RIMKLA: variants seen among roughly 807,000 people sequenced by gnomAD.
RIMKLA encodes N-acetylaspartylglutamate synthase A.
RIMKLA carries 14 observed loss-of-function variants against 32.7 expected under a neutral mutation model. The ratio of observed to expected loss-of-function variants is 0.43; its 90% CI spans 0.28 to 0.67. The LOEUF (loss-of-function observed/expected upper bound fraction) is 0.67, where lower values mean the gene tolerates loss of function less well. Ranked by LOEUF, RIMKLA falls within the 30% of genes least tolerant of loss-of-function variation. RIMKLA has a pLI of 0.18. For missense variants in RIMKLA, 410 were observed against 519.0 expected (o/e 0.79, Z 2.04); for synonymous variants, 176 against 204.1 (o/e 0.86, Z 1.18).
At chr1:42,382,641 T>G (rs747103706) in intron 1 of RIMKLA, among the ~76,000 whole-genome samples, 1 of 152,220 alleles carries the variant, frequency 6.6e-6, no homozygotes, top group Non-Finnish European at 1.5e-5. Flanking sequence ...AGTAGCCAAA[T>G]TCCACATCAC....
intron 1 of RIMKLA, among the ~76,000 whole-genome samples, chr1:42,382,332 T>G (rs914205480): frequency 6.6e-6 from 1 of 152,248 alleles, no homozygotes; most frequent in East Asian, 1.9e-4. Flanking sequence ...AATGTAGAAC[T>G]AGATTTCTGA....
chr1:42,385,759 CTTTCTTTCTTTG>C (rs1371724981), intron 1 of RIMKLA, among the ~76,000 whole-genome samples: 26 of 79,988 alleles, frequency 3.3e-4, no homozygotes, highest in African/African-American at 1.5e-3. Context: ...TTCTTTCTTT[CTTTCTTTCTTTG>C]TTTCTTTGTT....
At chr1:42,392,309 C>T (rs1374459957) in intron 1 of RIMKLA, among the ~76,000 whole-genome samples, 2 of 152,106 alleles carry the variant, frequency 1.3e-5, no homozygotes, top group Non-Finnish European at 2.9e-5. Flanking sequence ...AGTCAGTCTC[C>T]TCTCCCTCCC....
rs941153462 is a variant in RIMKLA, at chr1:42,415,814, C to T, written c.*840C>T. The T allele has an allele frequency of 3.3e-5, 5 of 152,206 alleles. No individual in the cohort carries two copies. The highest frequency in any genetic ancestry group is 1.9e-4 in the East Asian group (1 of 5,200). The allele number at this position is 152,206 out of a possible 1,614,324, so 9.4% of individuals were successfully genotyped here. On this transcript the variant is annotated 3_prime_UTR_variant, in exon 5 of 5. Transcript: ENST00000431473. The stretch of plus-strand genomic sequence containing the variant: ...TTTGTTTTTCAATGGACTCTGTTCA[C>T]TTGTCATCCAGAAGCCAGTGGGTTT...
At chr1:42,411,076 TC>T (rs1643193228) in intron 4 of RIMKLA, among the ~76,000 whole-genome samples, 1 of 152,150 alleles carries the variant, frequency 6.6e-6, no homozygotes, top group African/African-American at 2.4e-5. Context: ...ATGCCTGTAA[TC>T]CCAGCATTTT....
chr1:42,408,296 T>C (rs960631394), intron 3 of RIMKLA, among the ~76,000 whole-genome samples: 1 of 152,234 alleles, frequency 6.6e-6, no homozygotes, highest in Non-Finnish European at 1.5e-5. Context: ...ATCACGTGGC[T>C]GAACTCCTCC....
intron 1 of RIMKLA, among the ~76,000 whole-genome samples, chr1:42,386,880 C>CAAATAAATAAATAAATAAAT (rs151298858): frequency 5.0e-5 from 6 of 121,118 alleles, no homozygotes; most frequent in African/African-American, 9.8e-5. Flanking sequence ...GACTCCATCT[C>CAAATAAATAAATAAATAAAT]AAATAAATAA....
intron 1 of RIMKLA, among the ~76,000 whole-genome samples, chr1:42,386,742 AG>A (rs1642951659): frequency 1.3e-5 from 2 of 150,892 alleles, no homozygotes; most frequent in Non-Finnish European, 3.0e-5. Flanking sequence ...AAAATTACCC[AG>A]GCTTGGTGGC....
At chr1:42,405,519 C>T (rs540659506) in intron 3 of RIMKLA, among the ~76,000 whole-genome samples, 1 of 152,222 alleles carries the variant, frequency 6.6e-6, no homozygotes, top group East Asian at 1.9e-4. Flanking sequence ...CTTAAACACT[C>T]CAGGCATCTG....
chr1:42,396,935 T>C (rs765126291), intron 1 of RIMKLA, among the ~76,000 whole-genome samples: 2 of 152,232 alleles, frequency 1.3e-5, no homozygotes, highest in Non-Finnish European at 2.9e-5. Flanking sequence ...TTGAGGCTAC[T>C]ACACATGGGT....
chr1:42,385,834 T>TCCTTCCTTCC (rs1553175494), intron 1 of RIMKLA, among the ~76,000 whole-genome samples: 6 of 75,570 alleles, frequency 7.9e-5, no homozygotes, highest in Non-Finnish European at 1.6e-4. Flanking sequence ...CTTCCTTTCT[T>TCCTTCCTTCC]TCTTTCTTTC....
At chr1:42,392,166 C>T (rs1308334026) in intron 1 of RIMKLA, among the ~76,000 whole-genome samples, 1 of 152,168 alleles carries the variant, frequency 6.6e-6, no homozygotes, top group Non-Finnish European at 1.5e-5. Flanking sequence ...GAGGTGTCAA[C>T]ATTTCCTTTC....
At chr1:42,392,934 G>A (rs1643012867) in intron 1 of RIMKLA, among the ~76,000 whole-genome samples, 1 of 152,188 alleles carries the variant, frequency 6.6e-6, no homozygotes, top group South Asian at 2.1e-4. Context: ...AGGGGTTGCA[G>A]TGAGCCGAGA....
chr1:42,389,058 C>T (rs562313813), intron 1 of RIMKLA, among the ~76,000 whole-genome samples: 1 of 152,254 alleles, frequency 6.6e-6, no homozygotes, highest in African/African-American at 2.4e-5. Flanking sequence ...GATTTGACTA[C>T]TGGATCAGAT....
At chr1:42,383,430 A>G (rs180901694) in intron 1 of RIMKLA, among the ~76,000 whole-genome samples, 15 of 152,360 alleles carry the variant, frequency 9.8e-5, no homozygotes, top group Non-Finnish European at 1.5e-4. Context: ...GTTCAGTGCT[A>G]TAATAGTGGC....
At position 42,414,994 on chromosome 1, in the gene RIMKLA, A is replaced by G; in HGVS notation, c.*20A>G. On this transcript the variant is annotated 3_prime_UTR_variant, in exon 5 of 5. Transcript: ENST00000431473. ...AAGTGAATTCCTGCTTTTTGGCAGC[A>G]TTTAAACCAAATCCTACTGCTTCCC... is the stretch of plus-strand genomic sequence containing the variant. 1 of 1,579,788 alleles carries G rather than the reference A, an allele frequency of 6.3e-7. No individual in the cohort carries two copies. Among genetic ancestry groups the G allele is most frequent in the Non-Finnish European group, 8.6e-7 (1 of 1,164,076 alleles).
At chr1:42,384,667 G>A (rs1255893788) in intron 1 of RIMKLA, among the ~76,000 whole-genome samples, 3 of 150,930 alleles carry the variant, frequency 2.0e-5, no homozygotes, top group African/African-American at 7.3e-5. Flanking sequence ...ATTCTGTGCT[G>A]GGCATAGGTT....
At chr1:42,401,146 C>T (rs1351836201) in intron 2 of RIMKLA, among the ~76,000 whole-genome samples, 2 of 152,000 alleles carry the variant, frequency 1.3e-5, no homozygotes. Context: ...AACCTAGATC[C>T]CCCTGCATGT....
intron 1 of RIMKLA, among the ~76,000 whole-genome samples, chr1:42,394,628 G>A (rs1643027002): frequency 6.6e-6 from 1 of 152,216 alleles, no homozygotes; most frequent in Non-Finnish European, 1.5e-5. Flanking sequence ...GAATGGTTAA[G>A]TTTTAGAACT....
Sources: gnomAD v4.1 joint callset for allele counts (sites outside exome capture counted in the v4.1 genomes callset) on GRCh38, gnomAD v4.1.1 for gene constraint, MANE v1.5 for transcripts, NCBI Gene and HGNC (gene_info 2026-07-23, HGNC 2026-07-21) for gene names.